MEF2C: variants seen among roughly 807,000 people sequenced by gnomAD.
MEF2C encodes the protein myocyte enhancer factor 2C.
In MEF2C, 6 loss-of-function variants were observed where a neutral mutation model predicts 50.5. That is an observed-to-expected ratio of 0.12 (90% confidence interval 0.07 to 0.23). The LOEUF (loss-of-function observed/expected upper bound fraction) is 0.23. Ranked by LOEUF, MEF2C falls within the 10% of genes least tolerant of loss-of-function variation. MEF2C has a pLI of 1.00. For missense variants in MEF2C, 276 were observed against 605.0 expected (o/e 0.46, Z 5.70); for synonymous variants, 183 against 228.0 (o/e 0.80, Z 1.78).
At chr5:88,757,322 G>A (rs1009647996) in intron 4 of MEF2C, among the ~76,000 whole-genome samples, 7 of 152,070 alleles carry the variant, frequency 4.6e-5, no homozygotes, top group South Asian at 2.1e-4. Context: ...TTTAATGTGA[G>A]TGATTGAACT....
At chr5:88,730,328 T>A (rs181038149) in intron 7 of MEF2C, 94 bp from the exon 8 acceptor site, 113 of 1,330,784 alleles carry the variant, frequency 8.5e-5, no homozygotes, top group Non-Finnish European at 1.2e-4. Context: ...CATCTTCCGA[T>A]AGACACAACA....
chr5:88,876,273 CTG>C (rs372619836), intron 1 of MEF2C, among the ~76,000 whole-genome samples: 1 of 151,322 alleles, frequency 6.6e-6, no homozygotes. Context: ...GTGTGTTCTT[CTG>C]TGTGTGTGTG....
At chr5:88,811,320 T>C (rs933688389) in intron 2 of MEF2C, among the ~76,000 whole-genome samples, 3 of 152,084 alleles carry the variant, frequency 2.0e-5, no homozygotes, top group Admixed American at 6.6e-5. Context: ...TTAGTAAGCA[T>C]TGTTGAAAAT....
chr5:88,730,500 GA>G lies in MEF2C; in HGVS notation c.811-267del, dbSNP rs370988334. On this transcript the variant is annotated intron_variant, in intron 7 of 10. Coordinates refer to ENST00000504921, the MANE Select transcript of MEF2C (RefSeq NM_002397.5). ...ATTATTTCATCACTTCATTTTGAAGGAAAAAAAAAGACTGTGCTTTGAAACC... is the reference window on the plus strand; with the variant it reads ...ATTATTTCATCACTTCATTTTGAAGGAAAAAAAAGACTGTGCTTTGAAACC... 2.9e-3 allele frequency among the ~76,000 whole-genome samples: 440 copies of G among 150,668 alleles called. 3 individuals are homozygous for G. Among genetic ancestry groups the G allele is most frequent in the African/African-American group, 0.01 (430 of 41,094 alleles).
intron 9 of MEF2C, 82 bp downstream of exon 9, chr5:88,729,136 A>G: frequency 6.5e-7 from 1 of 1,549,782 alleles, no homozygotes; most frequent in African/African-American, 1.4e-5. Flanking sequence ...AAGCTTCCTA[A>G]TAGAGTAAAA....
At chr5:88,898,343 T>C (rs1835322978) in intron 1 of MEF2C, among the ~76,000 whole-genome samples, 1 of 152,174 alleles carries the variant, frequency 6.6e-6, no homozygotes, top group Non-Finnish European at 1.5e-5. Context: ...GCCATTATCT[T>C]TTCTTGGATG....
At chr5:88,784,799 G>A (rs1790021920) in intron 3 of MEF2C, among the ~76,000 whole-genome samples, 2 of 152,160 alleles carry the variant, frequency 1.3e-5, no homozygotes, top group South Asian at 4.1e-4. Context: ...CACTATCTAG[G>A]TTGAAAATGG....
intron 1 of MEF2C, among the ~76,000 whole-genome samples, chr5:88,876,210 TAAAAAATGTGG>T (rs1554053748): frequency 6.6e-6 from 1 of 151,722 alleles, no homozygotes; most frequent in Non-Finnish European, 1.5e-5. Flanking sequence ...TGTTCAGATA[TAAAAAATGTGG>T]CAAAAATTTT....
chr5:88,857,597 C>T (rs1823912422), intron 1 of MEF2C, among the ~76,000 whole-genome samples: 2 of 152,120 alleles, frequency 1.3e-5, no homozygotes, highest in Non-Finnish European at 1.5e-5. Flanking sequence ...ATGGGAGAGA[C>T]CAAGTGGAGA....
intron 1 of MEF2C, among the ~76,000 whole-genome samples, chr5:88,899,240 A>G (rs77791591): frequency 0.043 from 6,525 of 152,210 alleles, 164 homozygotes; most frequent in Non-Finnish European, 0.051. Flanking sequence ...TGTTTTCCCC[A>G]CTGACTTCAC....
At chr5:88,898,279 C>T (rs952853990) in intron 1 of MEF2C, among the ~76,000 whole-genome samples, 5 of 152,074 alleles carry the variant, frequency 3.3e-5, no homozygotes, top group Non-Finnish European at 7.4e-5. Context: ...AATATGGAAA[C>T]CTAATTATCT....
Position 88,826,674 on chromosome 5 carries a change from GAAGA to G in MEF2C, c.-142-2748_-142-2745del, listed in dbSNP as rs1810999966. On this transcript the variant is annotated intron_variant, in intron 1 of 10. Coordinates refer to ENST00000504921, the MANE Select transcript of MEF2C (RefSeq NM_002397.5). ...CAATTTGTAGGAGGCCTAGAGAGGC[GAAGA>G]AAGAGATTATTTAACTTTAGTAATC... Among the ~76,000 whole-genome samples the G allele has an allele frequency of 3.9e-5, 6 of 152,008 alleles. No homozygotes were observed. The South Asian group carries it at 1.2e-3, about 31-fold the overall frequency.
At chr5:88,736,522 A>AG (rs1764175764) in intron 6 of MEF2C, 1 of 20,278 alleles carries the variant, frequency 4.9e-5, no homozygotes, top group African/African-American at 1.4e-4. Context: ...AAAAAAAAAA[A>AG]AAAAAATATT....
chr5:88,888,841 A>T (rs1834242742), intron 1 of MEF2C: 1 of 152,146 alleles, frequency 6.6e-6, no homozygotes, highest in Non-Finnish European at 1.5e-5. Flanking sequence ...CTGATTCAAA[A>T]ATAACCACAT....
In MEF2C at chr5:88,740,025, G is replaced by T. The variant is rs1007805937; in HGVS notation, c.638-8124C>A. 3 of 985,202 alleles carry T rather than the reference G, an allele frequency of 3.0e-6. 1 individual carries two copies. In the South Asian group the frequency reaches 1.4e-4, roughly 46 times the overall value. The allele number at this position is 985,202 out of a possible 1,614,324, so 61.0% of individuals were successfully genotyped here. ...CTCTGAAACCTCAGTGCATTTTGTG[G>T]TATATTCTTAGAGAAATACCCCAAG... is the stretch of plus-strand genomic sequence containing the variant. On this transcript the variant is annotated intron_variant, in intron 6 of 10. Coordinates refer to ENST00000504921, the MANE Select transcript of MEF2C (RefSeq NM_002397.5).
In MEF2C at chr5:88,720,408, C is replaced by T. The variant is rs1005096759; in HGVS notation, c.*2196G>A. On this transcript the variant is annotated 3_prime_UTR_variant, in exon 11 of 11. Transcript: ENST00000504921. ...TCCTTTATGGATACAACCAAAGGTG[C>T]ATTGTGGTCTAATTGTGGATTTCAG... 1.3e-5 allele frequency: 2 copies of T among 152,158 alleles called. No homozygotes were observed. The highest frequency in any genetic ancestry group is 2.4e-5 in the African/African-American group (1 of 41,300). 9.4% of individuals were successfully genotyped at this position (152,158 alleles called of 1,614,324 possible).
chr5:88,731,212 G>A (rs944961456), intron 7 of MEF2C, among the ~76,000 whole-genome samples: 1 of 152,120 alleles, frequency 6.6e-6, no homozygotes, highest in Non-Finnish European at 1.5e-5. Flanking sequence ...ATGAATTGAG[G>A]CAGTGTGTAG....
At position 88,717,351 on chromosome 5, in the gene MEF2C, G is replaced by A. The variant is rs1406076717; in HGVS notation, c.*5253C>T. The A allele has an allele frequency of 6.6e-6, 1 of 152,180 alleles. No homozygotes were observed. The highest frequency in any genetic ancestry group is 1.5e-5 in the Non-Finnish European group (1 of 68,046). The allele number at this position is 152,180 out of a possible 1,614,324, so 9.4% of individuals were successfully genotyped here. A position where few individuals can be genotyped will look rare whatever the true frequency, so the allele number is the denominator to read the frequency against. ...ATGCTCTGAGCCTCTGGTCTGCTCT[G>A]CCCCAGGATGGCCAAAGTGGCTCCC... On this transcript the variant is annotated 3_prime_UTR_variant, in exon 11 of 11. Coordinates refer to ENST00000504921, the MANE Select transcript of MEF2C (RefSeq NM_002397.5).
Position 88,897,487 on chromosome 5 carries a change from C to T in MEF2C, c.-240+6429G>A, listed in dbSNP as rs558637224. Among the ~76,000 whole-genome samples, 3 of 152,332 alleles carry T rather than the reference C, an allele frequency of 2.0e-5. 1 individual carries two copies. The South Asian group carries it at 6.2e-4, about 32-fold the overall frequency. On this transcript the variant is annotated intron_variant, in intron 1 of 11. Transcript: ENST00000340208. Reference sequence around the variant, plus strand: ...AATGTGTATGCTCTACACTCTCATACGTTCCATAATAAGCACTGTCTGTAT... The same window carrying T: ...AATGTGTATGCTCTACACTCTCATATGTTCCATAATAAGCACTGTCTGTAT...
Sources: gnomAD v4.1 joint callset for allele counts (sites outside exome capture counted in the v4.1 genomes callset) on GRCh38, gnomAD v4.1.1 for gene constraint, MANE v1.5 for transcripts, NCBI Gene and HGNC (gene_info 2026-07-23, HGNC 2026-07-21) for gene names.